ZNF624: variants seen among roughly 807,000 people sequenced by gnomAD.
The protein encoded by ZNF624 is zinc finger protein 624.
In ZNF624, 43 loss-of-function variants were observed where a neutral mutation model predicts 74.7. The observed-to-expected ratio is 0.58, with a 90% CI of 0.45 to 0.74. The LOEUF (loss-of-function observed/expected upper bound fraction) is 0.74, where lower values mean the gene tolerates loss of function less well. Among genes scored for constraint, ZNF624 ranks in the 30% least tolerant of loss-of-function variants. ZNF624 has a pLI of 0.00. For synonymous variants in ZNF624, 331 were observed against 341.3 expected, an observed-to-expected ratio of 0.97 and a Z score of 0.33; for missense variants, 820 against 1,030.0, an observed-to-expected ratio of 0.80 and a Z score of 2.79.
At chr17:16,618,732 TTGA>T (rs2142557959), downstream of ZNF624, among the ~76,000 whole-genome samples, 1 of 152,258 alleles carries the variant, frequency 6.6e-6, no homozygotes, top group East Asian at 1.9e-4. Flanking sequence ...GATAAAGATC[TTGA>T]TGATGATCCA....
chr17:16,640,386 A>T (rs543210526), intron 3 of ZNF624, among the ~76,000 whole-genome samples: 1 of 152,178 alleles, frequency 6.6e-6, no homozygotes, highest in East Asian at 1.9e-4. Flanking sequence ...ATTTTTTAGG[A>T]AGCTGAAGGA....
At chr17:16,636,830 C>T (rs1000748285) in intron 3 of ZNF624, among the ~76,000 whole-genome samples, 6 of 147,622 alleles carry the variant, frequency 4.1e-5, no homozygotes, top group Middle Eastern at 3.5e-3. Flanking sequence ...AGAGAGACTC[C>T]GTCTCAAAAA....
rs1172266530 is a variant in ZNF624, at chr17:16,621,105, T to G, written c.*1183A>C. 1.3e-5 allele frequency: 2 copies of G among 152,120 alleles called. No individual in the cohort carries two copies. Among genetic ancestry groups the G allele is most frequent in the Admixed American group, 6.6e-5 (1 of 15,264 alleles). The allele number at this position is 152,120 out of a possible 1,614,324, so 9.4% of individuals were successfully genotyped here. On this transcript the variant is annotated 3_prime_UTR_variant, in exon 6 of 6. Transcript: ENST00000311331. ...CACACACACACACATAAACACAAAA[T>G]AAATGGGTGTGATTATTTTAACAAA... is the stretch of plus-strand genomic sequence containing the variant.
chr17:16,626,809 C>T lies in ZNF624; in HGVS notation c.377-2300G>A, dbSNP rs551788255. The stretch of plus-strand genomic sequence containing the variant: ...CAGTGGCTCACGCCTGTAATCCTAG[C>T]AGTCTGGGAGGCCAAGGTGGGCGGA... On this transcript the variant is annotated intron_variant, in intron 5 of 5. Coordinates refer to ENST00000311331, the MANE Select transcript of ZNF624 (RefSeq NM_020787.4). 7.9e-5 allele frequency among the ~76,000 whole-genome samples: 12 copies of T among 152,216 alleles called. No homozygotes were observed. The East Asian group carries it at 1.9e-3, about 25-fold the overall frequency.
intron 3 of ZNF624, among the ~76,000 whole-genome samples, chr17:16,641,292 T>TC (rs1205937980): frequency 1.1e-4 from 14 of 125,594 alleles, no homozygotes; most frequent in Admixed American, 1.0e-3. Flanking sequence ...TCTCTCTCTC[T>TC]TTTTTTTTGG....
rs767015948 is a variant in ZNF624, at chr17:16,623,525, T to C, written c.1361A>G (p.Lys454Arg). ...ATGCACATTAAAAATTGTGGTATTC[T>C]TAAAAGACTTCCCACACTCGTTGCA... ...YQCNECGKSF[K>R]NTTIFNVHQR... Residue 454 changes from lysine (K) to arginine (R), a missense_variant, in exon 6 of 6, where the codon AAG (lysine) becomes AGG (arginine). Transcript: ENST00000311331. This position sits in a 1 kb window ranked among gnomAD's most constrained non-coding sequence, Gnocchi z 5.3. 1.2e-6 allele frequency: 2 copies of C among 1,610,114 alleles called. No homozygotes were observed. Among genetic ancestry groups the C allele is most frequent in the Non-Finnish European group, 1.7e-6 (2 of 1,178,664 alleles).
chr17:16,622,520 CA>C lies in ZNF624; in HGVS notation c.2365del (p.Cys789ValfsTer7). The C allele has an allele frequency of 1.2e-6, 2 of 1,613,836 alleles. No individual in the cohort carries two copies. The highest frequency in any genetic ancestry group is 1.7e-6 in the Non-Finnish European group (2 of 1,179,862). On this transcript the variant is annotated frameshift_variant, in exon 6 of 6. Transcript: ENST00000311331. LOFTEE classifies it high-confidence loss of function. ...PYTCKECGKG[C>X]ITLSQLTLHQ... The stretch of plus-strand genomic sequence containing the variant: ...TAGGGTTAGCTGTGATAGAGTAATA[CA>C]ACCCTTTCCACATTCCTTACAGGTG...
At chr17:16,624,622 G>T in intron 5 of ZNF624, 113 bp from the exon 6 acceptor site, 1 of 996,144 alleles carries the variant, frequency 1.0e-6, no homozygotes, top group Non-Finnish European at 1.4e-6. Flanking sequence ...GGTTTTAATT[G>T]CTTTCACACT....
chr17:16,633,593 T>C (rs9904989), intron 5 of ZNF624, among the ~76,000 whole-genome samples: 1,866 of 152,130 alleles, frequency 0.012, 30 homozygotes, highest in African/African-American at 0.04. Context: ...TTATGCAAGT[T>C]TGAATGAAGA....
downstream of ZNF624, among the ~76,000 whole-genome samples, chr17:16,615,956 C>CATATACATATAT (rs1555903483): frequency 1.1e-5 from 1 of 90,306 alleles, no homozygotes; most frequent in African/African-American, 3.8e-5. Flanking sequence ...ATTCCATATA[C>CATATACATATAT]ATATATATAT....
rs1569040896 is a variant in ZNF624, at chr17:16,623,921, T to C, written c.965A>G (p.His322Arg). The C allele has an allele frequency of 6.2e-7, 1 of 1,613,988 alleles. No individual in the cohort carries two copies. Among genetic ancestry groups the C allele is most frequent in the Non-Finnish European group, 8.5e-7 (1 of 1,180,004 alleles). Residue 322 changes from histidine (H) to arginine (R), a missense_variant, in exon 6 of 6, where the codon CAC becomes CGC. Coordinates refer to ENST00000311331, the MANE Select transcript of ZNF624 (RefSeq NM_020787.4). This position sits in a 1 kb window ranked among gnomAD's most constrained non-coding sequence, Gnocchi z 5.3. ...TFSQPSYLSQ[H>R]KKIHTGEKPY... is the part of the protein sequence containing the mutation. ...TTTTTCTCCAGTGTGGATTTTTTTG[T>C]GCTGACTGAGATATGAAGGCTGGCT... is the stretch of plus-strand genomic sequence containing the variant.
chr17:16,649,572 G>T (rs1446032369), intron 2 of ZNF624, 86 bp downstream of exon 2: 1 of 1,204,846 alleles, frequency 8.3e-7, no homozygotes. Context: ...GGTGTCGGGG[G>T]AAGTAGAGAA....
rs1466591597 is a variant in ZNF624 at position 16,622,842 on chromosome 17, G to A, written c.2044C>T (p.Gln682Ter). ...TGCCTTCGTTGGTGCACGGTAAGCT[G>A]TGATGTATTAGTGAAGGCTTTCTCA... Reference protein sequence around the residue: ...ECEKAFTNTSQLTVHQRRHTG... With the variant: ...ECEKAFTNTS The change falls in exon 6 of 6, where the codon CAG becomes TAG. Residue 682 changes from glutamine to a stop codon, truncating the protein, a stop_gained. Coordinates refer to ENST00000311331, the MANE Select transcript of ZNF624 (RefSeq NM_020787.4). LOFTEE classifies it high-confidence loss of function. 6.2e-7 allele frequency: 1 copy of A among 1,613,728 alleles called. No homozygotes were observed. The highest frequency in any genetic ancestry group is 1.3e-5 in the African/African-American group (1 of 74,866).
At chr17:16,625,342 C>T (rs760488565) in intron 5 of ZNF624, among the ~76,000 whole-genome samples, 3 of 152,054 alleles carry the variant, frequency 2.0e-5, no homozygotes, top group African/African-American at 7.2e-5. Flanking sequence ...CCACCACGCC[C>T]GGCTCATTTT....
In ZNF624 at chr17:16,633,739, C is replaced by A. The variant is rs567655742; in HGVS notation, c.376+123G>T. 39 of 672,400 alleles carry A rather than the reference C, an allele frequency of 5.8e-5. 1 individual carries two copies. The highest frequency in any genetic ancestry group is 3.5e-4 in the Middle Eastern group (1 of 2,864). 41.7% of individuals were successfully genotyped at this position (672,400 alleles called of 1,614,324 possible). On this transcript the variant is annotated intron_variant, in intron 5 of 5. Transcript: ENST00000311331. ...AGGGACAGGCAGTGAGATGGGGGAT[C>A]TCTTCCTCTGAGACAGCGTTGAACA...
downstream of ZNF624, among the ~76,000 whole-genome samples, chr17:16,618,265 G>A (rs9909955): frequency 0.14 from 21,585 of 152,014 alleles, 1,722 homozygotes; most frequent in East Asian, 0.35. Context: ...AGTGAGCCGA[G>A]ATTGTGCCAC....
chr17:16,624,431 A>G lies in ZNF624; in HGVS notation c.455T>C (p.Leu152Pro). The change falls in exon 6 of 6, where the codon CTA becomes CCA. Residue 152 changes from leucine to proline, a missense_variant. Transcript: ENST00000311331. Reference protein sequence around the residue: ...ISEDLSQEAILEKLTENGLWD... With the variant: ...ISEDLSQEAIPEKLTENGLWD... ...CAGACCATTCTCTGTAAGTTTCTCTAGTATGGCCTCCTGTGATAAATCTTC... is the reference window on the plus strand; with the variant it reads ...CAGACCATTCTCTGTAAGTTTCTCTGGTATGGCCTCCTGTGATAAATCTTC... 6.2e-7 allele frequency: 1 copy of G among 1,610,618 alleles called. No individual in the cohort carries two copies. Among genetic ancestry groups the G allele is most frequent in the Non-Finnish European group, 8.5e-7 (1 of 1,179,082 alleles).
intron 3 of ZNF624, among the ~76,000 whole-genome samples, chr17:16,637,282 C>G (rs1909356784): frequency 6.6e-6 from 1 of 152,118 alleles, no homozygotes; most frequent in South Asian, 2.1e-4. Flanking sequence ...GTGAAAATGG[C>G]CATACTGCCC....
At chr17:16,638,412 C>A (rs2142622410) in intron 3 of ZNF624, among the ~76,000 whole-genome samples, 1 of 152,278 alleles carries the variant, frequency 6.6e-6, no homozygotes, top group African/African-American at 2.4e-5. Flanking sequence ...GACACATGCA[C>A]ACGTATGTTT....
Sources: allele counts gnomAD v4.1 joint callset (sites outside exome capture counted in the v4.1 genomes callset), GRCh38; gene constraint gnomAD v4.1.1; non-coding constraint Gnocchi (gnomAD v3.1); transcripts MANE v1.5; gene names NCBI Gene and HGNC (gene_info 2026-07-23, HGNC 2026-07-21).